Variants in FSTL5 observed in about 807,000 individuals in gnomAD.
FSTL5 encodes follistatin like 5.
A neutral mutation model predicts 89.1 loss-of-function variants in FSTL5; 62 were observed. The observed-to-expected ratio is 0.70, with a 90% CI of 0.57 to 0.86. The LOEUF (loss-of-function observed/expected upper bound fraction) is 0.86, where lower values mean the gene tolerates loss of function less well. Among genes scored for constraint, FSTL5 ranks in the 40% least tolerant of loss-of-function variants. The pLI, the probability that FSTL5 is intolerant of heterozygous loss-of-function variation, is 0.00. For synonymous variants in FSTL5, 383 were observed against 346.2 expected, an observed-to-expected ratio of 1.11 and a Z score of -1.18; for missense variants, 1,057 against 1,001.6, an observed-to-expected ratio of 1.06 and a Z score of -0.75.
At chr4:161,541,204 T>C (rs564704834) in intron 9 of FSTL5, among the ~76,000 whole-genome samples, 1 of 152,214 alleles carries the variant, frequency 6.6e-6, no homozygotes, top group Admixed American at 6.5e-5. Flanking sequence ...CTTTTATTTT[T>C]TGTCATATTC....
chr4:161,438,727 T>C lies in FSTL5; in HGVS notation c.1841+16277A>G, dbSNP rs79543004. On this transcript the variant is annotated intron_variant, in intron 15 of 15. Transcript: ENST00000306100. ...TAAAATTAAATTGATGAATCAAATG[T>C]AATGAAGTAACTATGATATTGCAAA... 3.2e-3 allele frequency among the ~76,000 whole-genome samples: 488 copies of C among 152,316 alleles called. 14 individuals are homozygous for C. The East Asian group carries it at 0.054, about 17-fold the overall frequency.
intron 4 of FSTL5, among the ~76,000 whole-genome samples, chr4:161,795,946 A>C (rs998249003): frequency 6.6e-6 from 1 of 151,916 alleles, no homozygotes; most frequent in African/African-American, 2.4e-5. Flanking sequence ...GCTCCATAAA[A>C]ATTTTAGAAA....
At chr4:161,513,147 A>G (rs1730702819) in intron 10 of FSTL5, among the ~76,000 whole-genome samples, 2 of 152,114 alleles carry the variant, frequency 1.3e-5, no homozygotes, top group Admixed American at 6.6e-5. Flanking sequence ...TAAAAACCAA[A>G]TATAACCACA....
chr4:161,455,050 C>T lies in FSTL5; in HGVS notation c.1795G>A (p.Asp599Asn), dbSNP rs745600368. 1.9e-6 allele frequency: 3 copies of T among 1,613,396 alleles called. No homozygotes were observed. Among genetic ancestry groups the T allele is most frequent in the Non-Finnish European group, 2.5e-6 (3 of 1,179,690 alleles). ...QPVGKQFDRVDDFFIPTTTLI... is the reference protein window; with the variant it reads ...QPVGKQFDRVNDFFIPTTTLI... ...GTTGTGGTGGGAATGAAAAAATCAT[C>T]CACTCTGTCAAATTGCTTTCCCACT... is the stretch of plus-strand genomic sequence containing the variant. The change falls in exon 15 of 16, where the codon GAT (aspartate) becomes AAT (asparagine). Residue 599 changes from aspartate (D) to asparagine (N), a missense_variant. Around this residue, in one of 3 missense-constraint regions of FSTL5, gnomAD observed 980 missense variants for 903.2 expected, o/e 1.08. Transcript: ENST00000306100.
At chr4:161,933,519 A>G (rs1393208636) in intron 3 of FSTL5, among the ~76,000 whole-genome samples, 2 of 152,230 alleles carry the variant, frequency 1.3e-5, no homozygotes, top group East Asian at 1.9e-4. Flanking sequence ...CATGAGAGAT[A>G]CAGAATTATA....
intron 4 of FSTL5, among the ~76,000 whole-genome samples, chr4:161,883,092 T>C (rs914456554): frequency 2.6e-5 from 4 of 152,168 alleles, no homozygotes; most frequent in Admixed American, 6.5e-5. Flanking sequence ...GGAAACCATA[T>C]AGTATTCTGG....
intron 10 of FSTL5, among the ~76,000 whole-genome samples, chr4:161,523,396 T>C (rs1473686942): frequency 6.6e-6 from 1 of 152,216 alleles, no homozygotes; most frequent in Non-Finnish European, 1.5e-5. Context: ...GATTACCTTC[T>C]ATCTATTATA....
intron 6 of FSTL5, among the ~76,000 whole-genome samples, chr4:161,731,987 T>A (rs982508634): frequency 9.9e-5 from 15 of 152,020 alleles, no homozygotes; most frequent in African/African-American, 3.4e-4. Context: ...TGACTTTCAT[T>A]TTTCATCTTC....
chr4:161,901,740 G>C (rs1733370185), intron 4 of FSTL5, among the ~76,000 whole-genome samples: 1 of 152,080 alleles, frequency 6.6e-6, no homozygotes, highest in African/African-American at 2.4e-5. Flanking sequence ...TTCCAGAGCA[G>C]TCTTGGCAAC....
chr4:161,901,692 G>A (rs1161373324), intron 4 of FSTL5, among the ~76,000 whole-genome samples: 1 of 152,148 alleles, frequency 6.6e-6, no homozygotes, highest in Non-Finnish European at 1.5e-5. Context: ...CTAGCACTTT[G>A]GGAAGCCGAG....
intron 2 of FSTL5, among the ~76,000 whole-genome samples, chr4:162,071,634 A>G (rs2111310662): frequency 6.6e-6 from 1 of 151,868 alleles, no homozygotes; most frequent in Admixed American, 6.6e-5. Flanking sequence ...TGTACTATAG[A>G]CCATACAGAC....
intron 7 of FSTL5, among the ~76,000 whole-genome samples, chr4:161,630,994 A>G (rs975709149): frequency 6.6e-6 from 1 of 152,182 alleles, no homozygotes; most frequent in Non-Finnish European, 1.5e-5. Context: ...TAATTGTTCA[A>G]TGATAAATAA....
At chr4:161,786,811 T>G (rs1365839597) in intron 4 of FSTL5, among the ~76,000 whole-genome samples, 1 of 152,132 alleles carries the variant, frequency 6.6e-6, no homozygotes, top group Non-Finnish European at 1.5e-5. Flanking sequence ...TACTATGTAT[T>G]AAGAACCTCT....
chr4:161,866,688 T>C (rs1056329809), intron 4 of FSTL5, among the ~76,000 whole-genome samples: 5 of 151,962 alleles, frequency 3.3e-5, no homozygotes, highest in Non-Finnish European at 7.4e-5. Flanking sequence ...TTATACTTTA[T>C]TCTGATTAAA....
chr4:161,430,801 A>G (rs765395384), intron 15 of FSTL5, among the ~76,000 whole-genome samples: 1 of 152,168 alleles, frequency 6.6e-6, no homozygotes, highest in Non-Finnish European at 1.5e-5. Flanking sequence ...AAAAGATTCT[A>G]AAAGGAGCAA....
chr4:161,577,904 C>T (rs1733285834), intron 8 of FSTL5, among the ~76,000 whole-genome samples: 2 of 152,102 alleles, frequency 1.3e-5, no homozygotes, highest in South Asian at 4.1e-4. Flanking sequence ...TAAAACATCT[C>T]ATACTGCATA....
At chr4:161,893,547 C>T (rs1018930165) in intron 4 of FSTL5, among the ~76,000 whole-genome samples, 28 of 152,086 alleles carry the variant, frequency 1.8e-4, no homozygotes, top group African/African-American at 6.8e-4. Context: ...ATACTATTTC[C>T]AATCAAACAG....
chr4:161,959,637 C>A (rs780956989), intron 3 of FSTL5, among the ~76,000 whole-genome samples: 2 of 151,954 alleles, frequency 1.3e-5, no homozygotes, highest in Non-Finnish European at 2.9e-5. Context: ...TGAAAAGTAA[C>A]GTATGTGTGA....
chr4:162,138,474 A>G (rs1268006196), intron 1 of FSTL5, among the ~76,000 whole-genome samples: 1 of 152,112 alleles, frequency 6.6e-6, no homozygotes, highest in Non-Finnish European at 1.5e-5. Context: ...AATAGAAGGA[A>G]AATCCTTAAT....
Sources: gnomAD v4.1 joint callset for allele counts (sites outside exome capture counted in the v4.1 genomes callset) on GRCh38, gnomAD v4.1.1 for gene constraint, gnomAD v4.1.1 regional missense constraint, MANE v1.5 for transcripts, NCBI Gene and HGNC (gene_info 2026-07-23, HGNC 2026-07-21) for gene names.